The following WDR88 variants were observed in gnomAD, a reference collection of about 807,000 sequenced individuals.
The protein encoded by WDR88 is WD repeat domain 88, also known as WD repeat-containing protein 88.
Under a neutral mutation model 46.8 loss-of-function variants are expected in WDR88, and 40 were observed. The ratio of observed to expected loss-of-function variants is 0.86; its 90% CI spans 0.66 to 1.11. The LOEUF (loss-of-function observed/expected upper bound fraction) is 1.11. WDR88 is among the 50% of genes most tolerant of loss of function. The pLI, the probability that WDR88 is intolerant of heterozygous loss-of-function variation, is 0.00. For missense variants in WDR88, 562 were observed against 602.4 expected, an observed-to-expected ratio of 0.93 and a Z score of 0.70; for synonymous variants, 235 against 240.7, an observed-to-expected ratio of 0.98 and a Z score of 0.22.
rs558501367 is a variant in WDR88, at chr19:33,142,396, G to A, written c.388-2448G>A. Among the ~76,000 whole-genome samples the A allele has an allele frequency of 2.6e-5, 4 of 152,156 alleles. No homozygotes were observed. In the South Asian group the frequency reaches 8.3e-4, roughly 32 times the overall value. On this transcript the variant is annotated intron_variant, in intron 2 of 10. Transcript: ENST00000355868. ...GGCTGCCTGGAGAAAGTGGTGGAGG[G>A]AGGAGGGCTGGAAGCAGTCTGTGGT...
chr19:33,152,259 A>C (rs1973651176), intron 6 of WDR88, among the ~76,000 whole-genome samples: 1 of 151,918 alleles, frequency 6.6e-6, no homozygotes, highest in African/African-American at 2.4e-5. Flanking sequence ...ATATACACGC[A>C]CACAACATAA....
intron 1 of WDR88, among the ~76,000 whole-genome samples, 183 bp downstream of exon 1, chr19:33,132,628 G>T (rs1169158650): frequency 2.6e-5 from 4 of 152,212 alleles, no homozygotes; most frequent in Admixed American, 6.5e-5. Flanking sequence ...CCTGAGCAGG[G>T]CGTGCTGGGG....
chr19:33,153,113 T>G (rs896295237), intron 6 of WDR88, among the ~76,000 whole-genome samples: 1 of 152,030 alleles, frequency 6.6e-6, no homozygotes, highest in Non-Finnish European at 1.5e-5. Flanking sequence ...TGCAGTGACG[T>G]GATCATAGCT....
At position 33,142,000 on chromosome 19, in the gene WDR88, AT is replaced by A. The variant is rs1346640901; in HGVS notation, c.388-2841del. On this transcript the variant is annotated intron_variant, in intron 2 of 10. Coordinates refer to ENST00000355868, the MANE Select transcript of WDR88 (RefSeq NM_173479.4). ...CTAGAGGAAAAGGGGCTTTTAAAAG[AT>A]TTAAAAGGTATTTGGATTTGAGGTG... 3.3e-4 allele frequency among the ~76,000 whole-genome samples: 50 copies of A among 152,200 alleles called. 1 individual carries two copies. Among genetic ancestry groups the A allele is most frequent in the East Asian group, 1.9e-4 (1 of 5,170 alleles).
At chr19:33,158,698 A>AT (rs11370336) in intron 7 of WDR88, among the ~76,000 whole-genome samples, 31,510 of 151,060 alleles carry the variant, frequency 0.21, 5,470 homozygotes, top group African/African-American at 0.47. Context: ...TAGTGCCACC[A>AT]TTTTTTTTTG....
chr19:33,156,282 C>T, intron 6 of WDR88, 73 bp from the exon 7 acceptor site: 2 of 1,493,576 alleles, frequency 1.3e-6, no homozygotes, highest in Non-Finnish European at 1.8e-6. Flanking sequence ...GAAAATACCC[C>T]CGGCTTTAGG....
chr19:33,144,981 T>C (rs3848599), intron 3 of WDR88, 49 bp downstream of exon 3: 1 of 1,553,714 alleles, frequency 6.4e-7, no homozygotes, highest in South Asian at 1.1e-5. Context: ...TGAGCAGGCA[T>C]GCCATAAATA....
chr19:33,164,599 CG>C (rs34793314), intron 9 of WDR88, among the ~76,000 whole-genome samples: 5 of 152,038 alleles, frequency 3.3e-5, no homozygotes, highest in South Asian at 2.1e-4. Context: ...GCCCAAGGTC[CG>C]GGGGGGTCTC....
At chr19:33,159,815 TTTA>T (rs1303347410) in intron 7 of WDR88, among the ~76,000 whole-genome samples, 2 of 152,070 alleles carry the variant, frequency 1.3e-5, no homozygotes, top group South Asian at 2.1e-4. Context: ...GCCCTTTATT[TTTA>T]TTATTATTAC....
intron 7 of WDR88, 43 bp downstream of exon 7, chr19:33,156,585 G>C (rs749096786): frequency 6.3e-7 from 1 of 1,579,840 alleles, no homozygotes; most frequent in South Asian, 1.1e-5. Context: ...CTGTGGGAGT[G>C]CTGGGCAGAG....
chr19:33,161,151 C>T (rs977569004), intron 8 of WDR88, among the ~76,000 whole-genome samples: 2 of 152,024 alleles, frequency 1.3e-5, no homozygotes, highest in Non-Finnish European at 2.9e-5. Context: ...CCAGCCTGGG[C>T]GATAGACTGA....
At chr19:33,136,929 A>T (rs1474597188) in intron 1 of WDR88, among the ~76,000 whole-genome samples, 1 of 145,442 alleles carries the variant, frequency 6.9e-6, no homozygotes, top group East Asian at 2.1e-4. Flanking sequence ...CCCATTTAAA[A>T]TTTTAATTTT....
At chr19:33,147,733 C>T (rs376366371) in intron 4 of WDR88, 25 bp downstream of exon 4, 69 of 1,611,562 alleles carry the variant, frequency 4.3e-5, no homozygotes, top group South Asian at 3.4e-4. Context: ...CCAGTGGGGG[C>T]GTTGGTTGCA....
Position 33,175,789 on chromosome 19 carries a change from C to T in WDR88, c.*217C>T, listed in dbSNP as rs1974113131. On this transcript the variant is annotated 3_prime_UTR_variant, in exon 11 of 11. Transcript: ENST00000355868. The stretch of plus-strand genomic sequence containing the variant: ...GTTTTCATGCAGAATAAATCTAATT[C>T]CTTTGGAAAACAAGCGTGCATGTGC... The T allele has an allele frequency of 1.8e-6, 1 of 560,618 alleles. No homozygotes were observed. Among genetic ancestry groups the T allele is most frequent in the Non-Finnish European group, 3.2e-6 (1 of 314,812 alleles). The allele number at this position is 560,618 out of a possible 1,614,324, so 34.7% of individuals were successfully genotyped here. A position where few individuals can be genotyped will look rare whatever the true frequency, so the allele number is the denominator to read the frequency against.
intron 1 of WDR88, among the ~76,000 whole-genome samples, 189 bp downstream of exon 1, chr19:33,132,634 T>C (rs1973152666): frequency 6.6e-6 from 1 of 152,070 alleles, no homozygotes; most frequent in African/African-American, 2.4e-5. Flanking sequence ...CAGGGCGTGC[T>C]GGGGATGCCG....
At chr19:33,137,300 C>CT (rs1257305411) in intron 1 of WDR88, among the ~76,000 whole-genome samples, 5 of 148,900 alleles carry the variant, frequency 3.4e-5, no homozygotes, top group Non-Finnish European at 7.4e-5. Flanking sequence ...GTCACCCAGG[C>CT]TGGAGTGCAG....
chr19:33,157,539 A>ATATATATG (rs1568367331), intron 7 of WDR88, among the ~76,000 whole-genome samples: 3 of 102,050 alleles, frequency 2.9e-5, no homozygotes, highest in African/African-American at 6.8e-5. Flanking sequence ...ATATATATAT[A>ATATATATG]TGTATATATA....
At chr19:33,165,190 G>C (rs139734542) in intron 9 of WDR88, among the ~76,000 whole-genome samples, 85 of 152,292 alleles carry the variant, frequency 5.6e-4, no homozygotes, top group African/African-American at 2.0e-3. Context: ...CTCACCTCCT[G>C]CTGTGTGGCC....
chr19:33,163,765 TG>T (rs1973909635), intron 8 of WDR88, among the ~76,000 whole-genome samples: 1 of 148,870 alleles, frequency 6.7e-6, no homozygotes, highest in Non-Finnish European at 1.5e-5. Flanking sequence ...CCTGAGTAGT[TG>T]GGATTACAGG....
Sources: gnomAD v4.1 joint callset for allele counts (sites outside exome capture counted in the v4.1 genomes callset) on GRCh38, gnomAD v4.1.1 for gene constraint, MANE v1.5 for transcripts, NCBI Gene and HGNC (gene_info 2026-07-23, HGNC 2026-07-21) for gene names.